KLHL6: variants seen among roughly 807,000 people sequenced by gnomAD.
KLHL6 encodes kelch-like protein 6.
A neutral mutation model predicts 58.6 loss-of-function variants in KLHL6; 41 were observed. The ratio of observed to expected loss-of-function variants is 0.70; its 90% CI spans 0.55 to 0.91. The LOEUF (loss-of-function observed/expected upper bound fraction) is 0.91. Ranked by LOEUF, KLHL6 falls within the 40% of genes least tolerant of loss-of-function variation. The probability of loss-of-function intolerance (pLI) is 0.00; values close to 1 mark genes in which losing one functional copy is unlikely to be tolerated. For missense variants in KLHL6, 714 were observed against 805.6 expected, an observed-to-expected ratio of 0.89 and a Z score of 1.38; for synonymous variants, 338 against 322.7, an observed-to-expected ratio of 1.05 and a Z score of -0.51.
Position 183,490,943 on chromosome 3 carries a change from C to T in KLHL6, c.*984G>A, listed in dbSNP as rs1451504221. 6.6e-6 allele frequency: 1 copy of T among 152,128 alleles called. No homozygotes were observed. Among genetic ancestry groups the T allele is most frequent in the Non-Finnish European group, 1.5e-5 (1 of 68,038 alleles). The allele number at this position is 152,128 out of a possible 1,614,324, so 9.4% of individuals were successfully genotyped here. A position where few individuals can be genotyped will look rare whatever the true frequency, so the allele number is the denominator to read the frequency against. On this transcript the variant is annotated 3_prime_UTR_variant, in exon 7 of 7. Transcript: ENST00000341319. ...TGTTCTTGGCAAGGAGCCCAAATGA[C>T]TCCTTGGTTTAAATATTGGTAAAGG... is the stretch of plus-strand genomic sequence containing the variant.
chr3:183,516,460 A>G (rs1711562728), intron 2 of KLHL6, among the ~76,000 whole-genome samples: 1 of 152,260 alleles, frequency 6.6e-6, no homozygotes, highest in Admixed American at 6.5e-5. Context: ...GTTTGGGGGG[A>G]CATGTGAGCA....
At position 183,492,608 on chromosome 3, in the gene KLHL6, C is replaced by T. The variant is rs754340996; in HGVS notation, c.1450G>A (p.Asp484Asn). 2 of 1,614,114 alleles carry T rather than the reference C, an allele frequency of 1.2e-6. No homozygotes were observed. The highest frequency in any genetic ancestry group is 1.7e-6 in the Non-Finnish European group (2 of 1,180,046). ...GAAGGGTCATAACACTGAGTCTTGT[C>T]TGTGGCCAGTTTCCCATTGGGCCCT... ...GGGPNGKLAT[D>N]KTQCYDPSTN... The change falls in exon 6 of 7, where the codon GAC (aspartate) becomes AAC (asparagine). Residue 484 changes from aspartate to asparagine, a missense_variant. This residue lies in a region of KLHL6 where 510 missense variants were observed against 629.7 expected (regional missense o/e 0.81). Coordinates refer to ENST00000341319, the MANE Select transcript of KLHL6 (RefSeq NM_130446.4). The surrounding 1 kb of genome is among the most constrained non-coding windows in gnomAD (Gnocchi z 5.9).
intron 1 of KLHL6, among the ~76,000 whole-genome samples, chr3:183,528,655 G>A (rs1239427615): frequency 6.6e-6 from 1 of 152,166 alleles, no homozygotes; most frequent in Non-Finnish European, 1.5e-5. Context: ...AAAGGATGTA[G>A]GTTTTATCGT....
At chr3:183,501,011 T>G (rs1387658402) in intron 3 of KLHL6, among the ~76,000 whole-genome samples, 2 of 152,222 alleles carry the variant, frequency 1.3e-5, no homozygotes, top group African/African-American at 4.8e-5. Context: ...GTTGGTTTTC[T>G]GTGCCTAGGA....
chr3:183,508,738 ATACT>A (rs1399809110), intron 2 of KLHL6, among the ~76,000 whole-genome samples: 3 of 152,216 alleles, frequency 2.0e-5, no homozygotes, highest in Admixed American at 6.5e-5. Context: ...AAACAATGAG[ATACT>A]TACGGGAGGA....
At chr3:183,497,162 A>T (rs1717735994) in intron 4 of KLHL6, among the ~76,000 whole-genome samples, 1 of 152,222 alleles carries the variant, frequency 6.6e-6, no homozygotes. Context: ...CTGTAATCCC[A>T]GCACTTTGGG....
intron 1 of KLHL6, among the ~76,000 whole-genome samples, chr3:183,536,807 C>T (rs367685648): frequency 1.3e-5 from 2 of 152,158 alleles, no homozygotes; most frequent in African/African-American, 2.4e-5. Context: ...AGCATTTGGC[C>T]GGGTGCGTAT....
At chr3:183,538,254 C>T (rs974315527) in intron 1 of KLHL6, among the ~76,000 whole-genome samples, 3 of 152,130 alleles carry the variant, frequency 2.0e-5, no homozygotes, top group Non-Finnish European at 4.4e-5. Context: ...TCACCCAGCC[C>T]GACTCCATTA....
chr3:183,531,441 G>GTATTTTTTTTTTTTTTTT lies in KLHL6; in HGVS notation c.294-3432_294-3431insAAAAAAAAAAAAAAAATA, dbSNP rs1367673441. The stretch of plus-strand genomic sequence containing the variant: ...CCTTCTTTCTGTTCTTTTTTTGTCT[G>GTATTTTTTTTTTTTTTTT]TGTTTTTTTTTTTTTTTTTTTTTTT... On this transcript the variant is annotated intron_variant, in intron 1 of 6. Coordinates refer to ENST00000341319, the MANE Select transcript of KLHL6 (RefSeq NM_130446.4). 2.9e-5 allele frequency among the ~76,000 whole-genome samples: 3 copies of GTATTTTTTTTTTTTTTTT among 102,100 alleles called. 1 individual carries two copies. Among genetic ancestry groups the GTATTTTTTTTTTTTTTTT allele is most frequent in the Non-Finnish European group, 2.2e-5 (1 of 45,836 alleles). 67.0% of individuals were successfully genotyped at this position (102,100 alleles called of 152,430 possible).
intron 4 of KLHL6, among the ~76,000 whole-genome samples, chr3:183,494,596 T>C (rs1289892949): frequency 1.3e-5 from 2 of 152,104 alleles, no homozygotes; most frequent in Non-Finnish European, 2.9e-5. Flanking sequence ...CCAGCCTGGG[T>C]GGGTAGGGAC....
rs772971768 is a variant in KLHL6 at position 183,508,220 on chromosome 3, G to T, written c.748C>A (p.Arg250=). ...MSWVRHKPSE[R]LCLLPYVLEN... ...AGGACATAGGGGAGTAAGCAGAGTC[G>T]TTCTGATGGCTTGTGCCGGACCCAG... The change falls in exon 3 of 7, where the codon CGA becomes AGA. Residue 250 remains arginine (R), a synonymous_variant. Transcript: ENST00000341319. 6.2e-7 allele frequency: 1 copy of T among 1,614,172 alleles called. No individual in the cohort carries two copies. The highest frequency in any genetic ancestry group is 2.2e-5 in the East Asian group (1 of 44,870).
chr3:183,528,039 G>T (rs370002032), intron 1 of KLHL6, 29 bp from the exon 2 acceptor site: 2 of 1,613,116 alleles, frequency 1.2e-6, no homozygotes, highest in Middle Eastern at 1.7e-4. Flanking sequence ...AATGTGAATC[G>T]TGCCGAGACC....
chr3:183,547,618 T>C (rs546795003), intron 1 of KLHL6, among the ~76,000 whole-genome samples: 52 of 152,332 alleles, frequency 3.4e-4, no homozygotes, highest in African/African-American at 1.2e-3. Flanking sequence ...CTGTGGACAT[T>C]TAGGTTGCTT....
chr3:183,523,618 C>T (rs1711844755), intron 2 of KLHL6, among the ~76,000 whole-genome samples: 1 of 152,228 alleles, frequency 6.6e-6, no homozygotes, highest in Non-Finnish European at 1.5e-5. Flanking sequence ...TCTCCCTGAC[C>T]TCACATCTTC....
rs1489655518 is a variant in KLHL6 at position 183,507,983 on chromosome 3, T to G, written c.909+76A>C. ...GCCCTAAGGATTTTTGAATCCGCTT[T>G]GCTTGCATCTCTGTGAGCCCCTAGC... On this transcript the variant is annotated intron_variant, in intron 3 of 6. Coordinates refer to ENST00000341319, the MANE Select transcript of KLHL6 (RefSeq NM_130446.4). 23 of 1,316,218 alleles carry G rather than the reference T, an allele frequency of 1.7e-5. No homozygotes were observed. The East Asian group carries it at 4.9e-4, about 28-fold the overall frequency. 81.5% of individuals were successfully genotyped at this position (1,316,218 alleles called of 1,614,324 possible).
chr3:183,523,093 G>A (rs147332690), intron 2 of KLHL6: 2,999 of 152,312 alleles, frequency 0.02, 45 homozygotes, highest in Non-Finnish European at 0.03. Context: ...GTGAGCCACC[G>A]CGCCTGGCTT....
intron 2 of KLHL6, among the ~76,000 whole-genome samples, chr3:183,512,493 G>A (rs920062938): frequency 6.6e-6 from 1 of 151,456 alleles, no homozygotes; most frequent in African/African-American, 2.4e-5. Flanking sequence ...TGTACATTAT[G>A]ATATTTTTTT....
intron 2 of KLHL6, among the ~76,000 whole-genome samples, chr3:183,525,730 T>C (rs1711942430): frequency 6.6e-6 from 1 of 152,310 alleles, no homozygotes; most frequent in Admixed American, 6.5e-5. Flanking sequence ...ACCCCAACAA[T>C]ATCATGCTGC....
At chr3:183,531,450 T>TTTG (rs1560105888) in intron 1 of KLHL6, among the ~76,000 whole-genome samples, 13 of 131,898 alleles carry the variant, frequency 9.9e-5, no homozygotes, top group African/African-American at 3.9e-4. Context: ...TGTGTTTTTT[T>TTTG]TTTTTTTTTT....
Sources: gnomAD v4.1 joint callset for allele counts (sites outside exome capture counted in the v4.1 genomes callset) on GRCh38, gnomAD v4.1.1 for gene constraint, gnomAD v4.1.1 regional missense constraint, Gnocchi (gnomAD v3.1) non-coding constraint, MANE v1.5 for transcripts, NCBI Gene and HGNC (gene_info 2026-07-23, HGNC 2026-07-21) for gene names.